RPS6KB1: variants seen among roughly 807,000 people sequenced by gnomAD.
The protein encoded by RPS6KB1 is ribosomal protein S6 kinase B1.
A neutral mutation model predicts 70.2 loss-of-function variants in RPS6KB1; 12 were observed. That is an observed-to-expected ratio of 0.17 (90% CI 0.11 to 0.28). The LOEUF is 0.28. Ranked by LOEUF, RPS6KB1 falls within the 10% of genes least tolerant of loss-of-function variation. The pLI is 1.00. For missense variants in RPS6KB1, 270 were observed against 646.6 expected (o/e 0.42, Z 6.32); for synonymous variants, 175 against 211.2 (o/e 0.83, Z 1.49).
At chr17:59,909,368 A>G (rs1279924768) in intron 1 of RPS6KB1, among the ~76,000 whole-genome samples, 2 of 146,602 alleles carry the variant, frequency 1.4e-5, no homozygotes, top group Non-Finnish European at 3.0e-5. Flanking sequence ...TCTGGGTTCA[A>G]GCAATTCTCC....
At chr17:59,898,793 C>T (rs868650664) in intron 1 of RPS6KB1, among the ~76,000 whole-genome samples, 1 of 151,890 alleles carries the variant, frequency 6.6e-6, no homozygotes, top group Non-Finnish European at 1.5e-5. Context: ...AGAGTTTAGG[C>T]AAAGTTCTAC....
At chr17:59,906,740 G>A (rs1346324315) in intron 1 of RPS6KB1, among the ~76,000 whole-genome samples, 1 of 152,068 alleles carries the variant, frequency 6.6e-6, no homozygotes, top group East Asian at 1.9e-4. Context: ...TGTCACCTGG[G>A]CTGGAGTGCA....
rs1177706086 is a variant in RPS6KB1 at position 59,946,920 on chromosome 17, A to G, written c.*132A>G. 2 of 1,495,976 alleles carry G rather than the reference A, an allele frequency of 1.3e-6. No individual in the cohort carries two copies. The highest frequency in any genetic ancestry group is 2.3e-5 in the East Asian group (1 of 43,318). The allele number at this position is 1,495,976 out of a possible 1,614,324, so 92.7% of individuals were successfully genotyped here. On this transcript the variant is annotated 3_prime_UTR_variant, in exon 15 of 15. Coordinates refer to ENST00000225577, the MANE Select transcript of RPS6KB1 (RefSeq NM_003161.4). The surrounding 1 kb of genome is among the most constrained non-coding windows in gnomAD (Gnocchi z 4.2). ...TCATTACATAGAACACTTCAGACAC[A>G]GGAAAAATAAACGTGGATTTTAAAA...
At chr17:59,914,523 CAT>C (rs1244534060) in intron 3 of RPS6KB1, 110 bp from the exon 4 acceptor site, 2 of 803,138 alleles carry the variant, frequency 2.5e-6, no homozygotes, top group Non-Finnish European at 4.2e-6. Flanking sequence ...CATTTTTGCA[CAT>C]AGTTTTTATA....
chr17:59,904,844 T>C (rs913983019), intron 1 of RPS6KB1, among the ~76,000 whole-genome samples: 4 of 151,298 alleles, frequency 2.6e-5, no homozygotes, highest in Non-Finnish European at 4.4e-5. Context: ...CTACAGGCAC[T>C]CGCCACCATA....
chr17:59,939,167 T>C (rs2044432161), intron 12 of RPS6KB1, among the ~76,000 whole-genome samples: 1 of 152,138 alleles, frequency 6.6e-6, no homozygotes, highest in Non-Finnish European at 1.5e-5. Flanking sequence ...TCTTCCAGAA[T>C]TGACCAATGA....
chr17:59,918,361 T>TTTTA (rs1379968670), intron 4 of RPS6KB1, among the ~76,000 whole-genome samples: 32 of 115,774 alleles, frequency 2.8e-4, no homozygotes, highest in African/African-American at 1.1e-3. Context: ...GTTTTATTTT[T>TTTTA]TTTTAATGTT....
intron 1 of RPS6KB1, among the ~76,000 whole-genome samples, chr17:59,908,679 C>T (rs1465406370): frequency 4.8e-5 from 6 of 124,814 alleles, no homozygotes; most frequent in African/African-American, 9.4e-5. Flanking sequence ...AGTGCAGTGG[C>T]GCGATCTCGG....
At chr17:59,927,825 C>A (rs1007693352) in intron 5 of RPS6KB1, among the ~76,000 whole-genome samples, 1 of 150,692 alleles carries the variant, frequency 6.6e-6, no homozygotes, top group African/African-American at 2.4e-5. Context: ...TTTATTTTGA[C>A]ATAATTTCAT....
intron 1 of RPS6KB1, among the ~76,000 whole-genome samples, chr17:59,903,909 ATATTT>A (rs980936129): frequency 4.9e-4 from 75 of 151,910 alleles, no homozygotes; most frequent in African/African-American, 1.7e-3. Context: ...TTTTCTTTAT[ATATTT>A]TATTTATTTA....
At chr17:59,910,660 G>T in intron 2 of RPS6KB1, 49 bp downstream of exon 2, 2 of 1,191,108 alleles carry the variant, frequency 1.7e-6, no homozygotes, top group East Asian at 2.4e-5. Flanking sequence ...CTTACAAGTA[G>T]GTTTTATCAG....
chr17:59,897,200 A>G (rs1292450666), intron 1 of RPS6KB1, among the ~76,000 whole-genome samples: 6 of 152,224 alleles, frequency 3.9e-5, no homozygotes, highest in African/African-American at 7.2e-5. Context: ...TCTTTGTGGT[A>G]TGTCAAAAGT....
chr17:59,924,948 C>T (rs1375085332), intron 4 of RPS6KB1, among the ~76,000 whole-genome samples: 1 of 152,078 alleles, frequency 6.6e-6, no homozygotes, highest in African/African-American at 2.4e-5. Flanking sequence ...CCCGCCTCAG[C>T]CTCCCAAGTA....
At chr17:59,901,517 T>C (rs1321324912) in intron 1 of RPS6KB1, among the ~76,000 whole-genome samples, 1 of 145,816 alleles carries the variant, frequency 6.9e-6, no homozygotes, top group Non-Finnish European at 1.5e-5. Context: ...GGGCTGGGCA[T>C]GGTGGCTTAC....
intron 1 of RPS6KB1, among the ~76,000 whole-genome samples, chr17:59,903,571 G>A (rs915022407): frequency 6.6e-5 from 10 of 152,190 alleles, no homozygotes; most frequent in Admixed American, 5.2e-4. Flanking sequence ...ATACATTGGA[G>A]TAGATTTGCT....
In RPS6KB1 at chr17:59,939,092, A is replaced by G. The variant is rs574231554; in HGVS notation, c.1120-1744A>G. Among the ~76,000 whole-genome samples, 9 of 152,314 alleles carry G rather than the reference A, an allele frequency of 5.9e-5. No homozygotes were observed. The East Asian group carries it at 1.7e-3, about 29-fold the overall frequency. On this transcript the variant is annotated intron_variant, in intron 12 of 14. Coordinates refer to ENST00000225577, the MANE Select transcript of RPS6KB1 (RefSeq NM_003161.4). ...TAGTTACCCAAGGTATAGTTCATACAGTAAAGGCAGGATGTATGTTTGATT... is the reference window on the plus strand; with the variant it reads ...TAGTTACCCAAGGTATAGTTCATACGGTAAAGGCAGGATGTATGTTTGATT...
At chr17:59,908,171 T>A (rs762356298) in intron 1 of RPS6KB1, among the ~76,000 whole-genome samples, 1 of 152,166 alleles carries the variant, frequency 6.6e-6, no homozygotes, top group African/African-American at 2.4e-5. Context: ...GTAGTGCCTT[T>A]AATTTCATAA....
chr17:59,941,055 T>C, intron 13 of RPS6KB1, 112 bp downstream of exon 13: 3 of 253,928 alleles, frequency 1.2e-5, no homozygotes, highest in Admixed American at 6.5e-5. Flanking sequence ...CTGGCCCACT[T>C]TTTTTTTTTT....
chr17:59,936,404 A>T, intron 11 of RPS6KB1, 60 bp from the exon 12 acceptor site: 1 of 1,554,722 alleles, frequency 6.4e-7, no homozygotes, highest in Non-Finnish European at 8.8e-7. Flanking sequence ...AAGGTGATTA[A>T]TTTATCAATC....
Sources: gnomAD v4.1 joint callset for allele counts (sites outside exome capture counted in the v4.1 genomes callset) on GRCh38, gnomAD v4.1.1 for gene constraint, Gnocchi (gnomAD v3.1) non-coding constraint, MANE v1.5 for transcripts, NCBI Gene and HGNC (gene_info 2026-07-23, HGNC 2026-07-21) for gene names.